NTRK1: variants seen among roughly 807,000 people sequenced by gnomAD.
NTRK1 encodes high affinity nerve growth factor receptor.
NTRK1 carries 62 observed loss-of-function variants against 86.8 expected under a neutral mutation model. That is an observed-to-expected ratio of 0.71 (90% CI 0.58 to 0.88). NTRK1 has a LOEUF of 0.88. Ranked by LOEUF, NTRK1 falls within the 40% of genes least tolerant of loss-of-function variation. NTRK1 has a pLI of 0.00. For missense variants in NTRK1, 967 were observed against 1,078.4 expected, an observed-to-expected ratio of 0.90 and a Z score of 1.45; for synonymous variants, 469 against 456.6, an observed-to-expected ratio of 1.03 and a Z score of -0.35.
intron 2 of NTRK1, chr1:156,843,094 C>T (rs1276860670): frequency 1.2e-6 from 2 of 1,614,082 alleles, no homozygotes; most frequent in South Asian, 2.2e-5. Flanking sequence ...TCACCGTCTT[C>T]AGGGCCACGG....
At chr1:156,840,759 C>A in intron 1 of NTRK1, 2 of 803,760 alleles carry the variant, frequency 2.5e-6, no homozygotes, top group Non-Finnish European at 4.1e-6. Context: ...GCCCCACCCT[C>A]GGCCATCCCT....
intron 12 of NTRK1, 128 bp downstream of exon 12, chr1:156,875,794 C>G: frequency 7.6e-7 from 1 of 1,320,216 alleles, no homozygotes; most frequent in Non-Finnish European, 1.0e-6. Flanking sequence ...CAGCCCTATT[C>G]CAGCCATAGG....
chr1:156,816,780 A>T (rs1424017027), intron 1 of NTRK1: 2 of 1,387,548 alleles, frequency 1.4e-6, no homozygotes, highest in African/African-American at 1.5e-5. Context: ...ACACTCAGCA[A>T]CTCATCATCT....
intron 2 of NTRK1, chr1:156,851,997 CAGCTGTGACACAGCGCCA>C (rs765360387): frequency 6.2e-7 from 1 of 1,612,320 alleles, no homozygotes; most frequent in South Asian, 1.1e-5. Flanking sequence ...GCACAGCGCT[CAGCTGTGACACAGCGCCA>C]GGACTCATAC....
rs766133295 is a variant in NTRK1, at chr1:156,841,769, A to C, written c.-63-312A>C. 4.3e-6 allele frequency: 7 copies of C among 1,614,042 alleles called. No homozygotes were observed. In the South Asian group the frequency reaches 7.7e-5, roughly 18 times the overall value. On this transcript the variant is annotated intron_variant, in intron 1 of 16. Coordinates refer to the NTRK1 transcript ENST00000392302. The stretch of plus-strand genomic sequence containing the variant: ...CACCCTTGCGGTAATAGTCTGTCTC[A>C]TACACGTCCCGAGTCATCCCGAAGT...
chr1:156,859,045 G>A (rs1571679012), upstream of NTRK1: 1 of 181,610 alleles, frequency 5.5e-6, no homozygotes, highest in East Asian at 1.4e-4. This position sits in a 1 kb window ranked among gnomAD's most constrained non-coding sequence, Gnocchi z 6.2. Context: ...ACTCCGCAGG[G>A]AGAGTCTCCC....
chr1:156,853,762 G>A, intron 2 of NTRK1: 1 of 1,599,148 alleles, frequency 6.3e-7, no homozygotes, highest in Admixed American at 1.7e-5. Context: ...CTCTCTGGCA[G>A]TGGCTGGAGG....
intron 1 of NTRK1, chr1:156,841,115 T>G (rs1481204114): frequency 1.3e-6 from 2 of 1,551,516 alleles, no homozygotes; most frequent in East Asian, 2.4e-5. Flanking sequence ...CTGGTGGGTG[T>G]GGGGAGCAGG....
intron 1 of NTRK1, 99 bp downstream of exon 1, chr1:156,861,245 G>C (rs1048876043): frequency 9.5e-6 from 13 of 1,371,384 alleles, no homozygotes; most frequent in Non-Finnish European, 1.3e-5. Context: ...CAGGCAGGAC[G>C]AGCACGGCGG....
At chr1:156,838,417 G>C (rs1293997656) in intron 1 of NTRK1, among the ~76,000 whole-genome samples, 1 of 151,732 alleles carries the variant, frequency 6.6e-6, no homozygotes, top group Non-Finnish European at 1.5e-5. Flanking sequence ...TGGGGAAGAG[G>C]AGGGGGACCA....
At chr1:156,872,233 A>C (rs1232465911) in intron 7 of NTRK1, among the ~76,000 whole-genome samples, 2 of 152,140 alleles carry the variant, frequency 1.3e-5, no homozygotes, top group Non-Finnish European at 2.9e-5. Context: ...TGTGCAAAAA[A>C]TATATATATT....
chr1:156,823,932 C>T (rs1378774616), intron 1 of NTRK1, among the ~76,000 whole-genome samples: 4 of 152,134 alleles, frequency 2.6e-5, no homozygotes, highest in Admixed American at 6.5e-5. Context: ...GCATAATTTG[C>T]GTCCCAAAGA....
At chr1:156,847,739 C>G (rs1655062002) in intron 2 of NTRK1, among the ~76,000 whole-genome samples, 1 of 151,860 alleles carries the variant, frequency 6.6e-6, no homozygotes, top group Non-Finnish European at 1.5e-5. Context: ...CTGAGCAGGT[C>G]TGGGTCTGTT....
At chr1:156,867,873 C>G (rs1647256655) in intron 4 of NTRK1, among the ~76,000 whole-genome samples, 1 of 152,064 alleles carries the variant, frequency 6.6e-6, no homozygotes, top group Admixed American at 6.6e-5. Flanking sequence ...CGGGGTTTCA[C>G]TGTGTTAGCC....
At chr1:156,840,966 C>G (rs1367571667) in intron 1 of NTRK1, 1 of 1,613,684 alleles carries the variant, frequency 6.2e-7, no homozygotes, top group East Asian at 2.2e-5. Flanking sequence ...AGCCCCGGGC[C>G]CCCCGGCATT....
Position 156,864,520 on chromosome 1 carries a change from G to A in NTRK1, c.287+92G>A, listed in dbSNP as rs534902442. 5.2e-6 allele frequency: 7 copies of A among 1,337,834 alleles called. No homozygotes were observed. In the South Asian group the frequency reaches 7.2e-5, roughly 14 times the overall value. 82.9% of individuals were successfully genotyped at this position (1,337,834 alleles called of 1,614,324 possible). A position where few individuals can be genotyped will look rare whatever the true frequency, so the allele number is the denominator to read the frequency against. On this transcript the variant is annotated intron_variant, in intron 2 of 16. Coordinates refer to ENST00000524377, the MANE Select transcript of NTRK1 (RefSeq NM_002529.4). Reference sequence around the variant, plus strand: ...AGGGCTCAAGCATCCGAGGGCCTGGGAGGACCTGAGAGGCTGAGCACTGAG... The same window carrying A: ...AGGGCTCAAGCATCCGAGGGCCTGGAAGGACCTGAGAGGCTGAGCACTGAG...
chr1:156,846,137 A>G, intron 2 of NTRK1: 1 of 1,569,534 alleles, frequency 6.4e-7, no homozygotes. Flanking sequence ...TGCGAGAAGG[A>G]TGCAACTCAG....
At chr1:156,848,972 TC>T in intron 2 of NTRK1, 1 of 1,607,478 alleles carries the variant, frequency 6.2e-7, no homozygotes, top group Middle Eastern at 1.7e-4. Context: ...CTCCAGTGGC[TC>T]ATAGCGCTCC....
intron 2 of NTRK1, chr1:156,844,613 C>A: frequency 6.2e-7 from 1 of 1,614,138 alleles, no homozygotes; most frequent in South Asian, 1.1e-5. Flanking sequence ...ACACACACAG[C>A]ACTGTGGCCT....
Sources: gnomAD v4.1 joint callset for allele counts (sites outside exome capture counted in the v4.1 genomes callset) on GRCh38, gnomAD v4.1.1 for gene constraint, Gnocchi (gnomAD v3.1) non-coding constraint, MANE v1.5 for transcripts, NCBI Gene and HGNC (gene_info 2026-07-23, HGNC 2026-07-21) for gene names.